The following RBFOX2 variants were observed in gnomAD, a reference collection of about 807,000 sequenced individuals.
RBFOX2 encodes the protein RNA binding fox-1 homolog 2.
RBFOX2 carries 10 observed loss-of-function variants against 49.1 expected under a neutral mutation model. The observed-to-expected ratio is 0.20, with a 90% confidence interval of 0.13 to 0.35. RBFOX2 has a LOEUF of 0.35. Ranked by LOEUF, RBFOX2 falls within the 10% of genes least tolerant of loss-of-function variation. RBFOX2 has a pLI of 1.00. For missense variants in RBFOX2, 323 were observed against 486.9 expected, an observed-to-expected ratio of 0.66 and a Z score of 3.17; for synonymous variants, 183 against 187.4, an observed-to-expected ratio of 0.98 and a Z score of 0.19.
intron 1 of RBFOX2, among the ~76,000 whole-genome samples, chr22:35,892,338 C>A (rs1204291576): frequency 2.6e-5 from 4 of 152,132 alleles, no homozygotes; most frequent in Admixed American, 1.3e-4. Context: ...ATGCTGCCAA[C>A]TGACGCTACC....
chr22:35,826,858 A>G (rs527488087), intron 1 of RBFOX2, among the ~76,000 whole-genome samples: 1 of 152,344 alleles, frequency 6.6e-6, no homozygotes, highest in South Asian at 2.1e-4. Flanking sequence ...TAGTGTAATA[A>G]AAGTTACGTG....
rs200607881 is a variant in RBFOX2 at position 35,862,377 on chromosome 22, AG to A, written c.-33-52374del. On this transcript the variant is annotated intron_variant, in intron 1 of 13. Transcript: ENST00000359369. ...TTGAAGGGTTAGTTATTTTCTTTGG[AG>A]GGGGGGGGGAATGATAAAAGGAGAT... is the stretch of plus-strand genomic sequence containing the variant. 9.3e-3 allele frequency among the ~76,000 whole-genome samples: 856 copies of A among 91,952 alleles called. 7 individuals are homozygous for A. Among genetic ancestry groups the A allele is most frequent in the East Asian group, 0.061 (199 of 3,260 alleles). The allele number at this position is 91,952 out of a possible 152,430, so 60.3% of individuals were successfully genotyped here.
chr22:35,781,845 GC>G, intron 2 of RBFOX2, 99 bp from the exon 4 acceptor site: 1 of 1,456,498 alleles, frequency 6.9e-7, no homozygotes, highest in Non-Finnish European at 9.4e-7. Flanking sequence ...GTATGTTTAA[GC>G]AAAAATCACA....
In RBFOX2 at chr22:35,801,211, A is replaced by G. The variant is rs116828576; in HGVS notation, c.252+8569T>C. 2.7e-3 allele frequency among the ~76,000 whole-genome samples: 404 copies of G among 152,332 alleles called. 4 individuals are homozygous for G. The highest frequency in any genetic ancestry group is 9.5e-3 in the African/African-American group (394 of 41,576). On this transcript the variant is annotated intron_variant, in intron 2 of 11. Coordinates refer to ENST00000405409, the Ensembl canonical transcript of RBFOX2. ...GATACAAATTTGAGGTATCATTAATAAATCTGTAAATAACAACGCTTCCTG... is the reference window on the plus strand; with the variant it reads ...GATACAAATTTGAGGTATCATTAATGAATCTGTAAATAACAACGCTTCCTG...
At chr22:35,939,007 T>C (rs984958287), upstream of RBFOX2, 12 of 1,074,164 alleles carry the variant, frequency 1.1e-5, no homozygotes, top group African/African-American at 1.5e-4. Flanking sequence ...GTTCCTAAAA[T>C]GTTCCATTAA....
chr22:35,807,055 C>T (rs1485140647), intron 2 of RBFOX2, among the ~76,000 whole-genome samples: 1 of 152,190 alleles, frequency 6.6e-6, no homozygotes, highest in Non-Finnish European at 1.5e-5. Flanking sequence ...CCAGCTGCCT[C>T]GGCCTCCCAA....
At chr22:35,788,022 G>A (rs930751306) in intron 2 of RBFOX2, among the ~76,000 whole-genome samples, 3 of 152,100 alleles carry the variant, frequency 2.0e-5, no homozygotes, top group African/African-American at 4.8e-5. Flanking sequence ...ACAGGAGGTC[G>A]GCACCAATTA....
intron 1 of RBFOX2, among the ~76,000 whole-genome samples, chr22:35,907,166 TCTTC>T (rs1266817435): frequency 6.6e-6 from 1 of 152,170 alleles, no homozygotes; most frequent in Non-Finnish European, 1.5e-5. Context: ...TCTCTTCTCT[TCTTC>T]CTTAGTAACA....
rs74440328 is a variant in RBFOX2, at chr22:35,896,680, C to A, written c.-34+42167G>T. On this transcript the variant is annotated intron_variant, in intron 1 of 13. Coordinates refer to the RBFOX2 transcript ENST00000359369. ...CATGCTTTCCGCAGACGAACGTTTT[C>A]TCTCCTCCCACCTTAAACTCCCAGC... is the stretch of plus-strand genomic sequence containing the variant. Among the ~76,000 whole-genome samples, 945 of 152,322 alleles carry A rather than the reference C, an allele frequency of 6.2e-3. 10 individuals are homozygous for A. The highest frequency in any genetic ancestry group is 0.022 in the African/African-American group (894 of 41,566).
At chr22:35,998,816 G>C (rs959834234) in intron 1 of RBFOX2, 2 of 152,642 alleles carry the variant, frequency 1.3e-5, no homozygotes, top group Non-Finnish European at 2.9e-5. Context: ...CAAATCTTAT[G>C]AGATGACATC....
intron 1 of RBFOX2, among the ~76,000 whole-genome samples, chr22:35,879,161 T>A: frequency 6.6e-6 from 1 of 152,240 alleles, no homozygotes; most frequent in African/African-American, 2.4e-5. Flanking sequence ...GACATGAGTA[T>A]ATCTGGAGAG....
At chr22:35,857,819 A>G (rs933772609) in intron 1 of RBFOX2, among the ~76,000 whole-genome samples, 2 of 152,244 alleles carry the variant, frequency 1.3e-5, no homozygotes, top group Non-Finnish European at 1.5e-5. Flanking sequence ...TGCTTCAAGA[A>G]GGCAGAAATA....
chr22:35,804,338 A>C (rs80153766), intron 2 of RBFOX2, among the ~76,000 whole-genome samples: 95 of 152,202 alleles, frequency 6.2e-4, no homozygotes, highest in Non-Finnish European at 1.0e-3. Flanking sequence ...GGAAAAAAAA[A>C]TTTGAAGAAA....
chr22:35,963,341 C>T (rs1259223856), upstream of RBFOX2, among the ~76,000 whole-genome samples: 2 of 152,106 alleles, frequency 1.3e-5, no homozygotes, highest in African/African-American at 2.4e-5. Context: ...TTTCTTATTT[C>T]GCTCCTTGTT....
intron 1 of RBFOX2, among the ~76,000 whole-genome samples, chr22:35,896,103 C>T (rs16996156): frequency 0.016 from 2,489 of 152,220 alleles, 70 homozygotes; most frequent in African/African-American, 0.057. Context: ...AAAAGCAAAC[C>T]CCAGCTGTGA....
intron 1 of RBFOX2, among the ~76,000 whole-genome samples, chr22:36,001,625 T>G (rs992514299): frequency 2.6e-5 from 4 of 151,940 alleles, no homozygotes; most frequent in Non-Finnish European, 5.9e-5. Context: ...TAGCCAGGCA[T>G]AGTAGTGCAT....
intron 1 of RBFOX2, among the ~76,000 whole-genome samples, chr22:35,899,911 A>T (rs533588948): frequency 8.5e-5 from 13 of 152,230 alleles, no homozygotes; most frequent in Admixed American, 3.9e-4. Flanking sequence ...CCACAGAAGA[A>T]GTTTCTGGCA....
intron 2 of RBFOX2, among the ~76,000 whole-genome samples, chr22:35,787,510 T>C (rs1176326614): frequency 6.6e-6 from 1 of 152,156 alleles, no homozygotes; most frequent in African/African-American, 2.4e-5. Context: ...AGAGTAGAAA[T>C]AGGAATAGAA....
chr22:35,931,939 G>T (rs1468852239), intron 1 of RBFOX2, among the ~76,000 whole-genome samples: 1 of 152,088 alleles, frequency 6.6e-6, no homozygotes, highest in Admixed American at 6.6e-5. Flanking sequence ...TTTTTGAAGG[G>T]GACAGAAAAT....
Sources: gnomAD v4.1 joint callset for allele counts (sites outside exome capture counted in the v4.1 genomes callset) on GRCh38, gnomAD v4.1.1 for gene constraint, MANE v1.5 for transcripts, NCBI Gene and HGNC (gene_info 2026-07-23, HGNC 2026-07-21) for gene names.